ADGRG2: variants seen among roughly 807,000 people sequenced by gnomAD.
ADGRG2 encodes the protein G protein-coupled receptor 64.
Under a neutral mutation model 74.1 loss-of-function variants are expected in ADGRG2, and 26 were observed. The ratio of observed to expected loss-of-function variants is 0.35; its 90% CI spans 0.26 to 0.49. ADGRG2 has a LOEUF of 0.49. Among genes scored for constraint, ADGRG2 ranks in the 20% least tolerant of loss-of-function variants. The pLI, the probability that ADGRG2 is intolerant of heterozygous loss-of-function variation, is 0.99. For missense variants in ADGRG2, 619 were observed against 763.1 expected (o/e 0.81, Z 2.22); for synonymous variants, 296 against 295.2 (o/e 1.00, Z -0.03).
intron 15 of ADGRG2, among the ~76,000 whole-genome samples, chrX:19,018,101 G>A (rs1023526818): frequency 2.7e-5 from 3 of 109,819 alleles, no homozygotes; most frequent in East Asian, 5.6e-4. Flanking sequence ...CATTAGAATC[G>A]CCAGCAGGGC....
At chrX:19,049,455 TTTG>T (rs1555901682) in intron 3 of ADGRG2, among the ~76,000 whole-genome samples, 4 of 90,984 alleles carry the variant, frequency 4.4e-5, no homozygotes, top group Middle Eastern at 5.7e-3. Context: ...TTTTTTTTTT[TTTG>T]TTGTTGTTGT....
chrX:19,032,038 T>G (rs2060836349), intron 8 of ADGRG2: 1 of 112,483 alleles, frequency 8.9e-6, no homozygotes, highest in African/African-American at 3.2e-5. Flanking sequence ...AATGCCCAAC[T>G]GCAAGTTTAT....
intron 3 of ADGRG2, among the ~76,000 whole-genome samples, chrX:19,051,665 C>T (rs900823241): frequency 9.0e-6 from 1 of 111,600 alleles, no homozygotes; most frequent in South Asian, 3.8e-4. Flanking sequence ...TGCCTGCTTG[C>T]TCTCACTCTC....
At chrX:19,006,334 G>T (rs1473463034) in intron 20 of ADGRG2, 69 bp from the exon 21 acceptor site, 2 of 741,150 alleles carry the variant, frequency 2.7e-6, no homozygotes, top group Non-Finnish European at 2.0e-6. Flanking sequence ...AAAACTGAAA[G>T]GTATTTGAAA....
chrX:19,052,909 A>G (rs2061347721), intron 3 of ADGRG2, among the ~76,000 whole-genome samples: 1 of 110,967 alleles, frequency 9.0e-6, no homozygotes, highest in Non-Finnish European at 1.9e-5. Context: ...TGGCCAGGCT[A>G]GTTTCGAACT....
At chrX:19,069,509 G>C (rs1021642329) in intron 2 of ADGRG2, among the ~76,000 whole-genome samples, 1 of 111,148 alleles carries the variant, frequency 9.0e-6, no homozygotes, top group African/African-American at 3.3e-5. Context: ...GCAGCCAAAA[G>C]TGAGAACATG....
At position 18,998,600 on chromosome X, in the gene ADGRG2, CTTTTTTTT is replaced by C. The variant is rs768424519; in HGVS notation, c.2614+388_2614+395del. 3.7e-5 allele frequency among the ~76,000 whole-genome samples: 3 copies of C among 81,237 alleles called. No individual in the cohort carries two copies. The East Asian group carries it at 1.1e-3, about 31-fold the overall frequency. 70.5% of individuals were successfully genotyped at this position (81,237 alleles called of 115,157 possible). A position where few individuals can be genotyped will look rare whatever the true frequency, so the allele number is the denominator to read the frequency against. ...ACCTCATGGGGTTTCACAGATAGTA[CTTTTTTTT>C]TTTTTTTTTTTTTTTTACAAATTGA... On this transcript the variant is annotated intron_variant, in intron 26 of 28. Transcript: ENST00000379869.
chrX:19,093,607 C>G (rs1280157881), intron 1 of ADGRG2, among the ~76,000 whole-genome samples: 1 of 111,338 alleles, frequency 9.0e-6, no homozygotes, highest in African/African-American at 3.3e-5. Flanking sequence ...CTGAAGATGA[C>G]GGTGACCTAG....
At position 18,990,690 on chromosome X, in the gene ADGRG2, G is replaced by A. The variant is rs2059906183; in HGVS notation, c.*174C>T. 3 of 341,373 alleles carry A rather than the reference G, an allele frequency of 8.8e-6. No homozygotes were observed. Among genetic ancestry groups the A allele is most frequent in the South Asian group, 1.8e-4 (2 of 11,000 alleles). The allele number at this position is 341,373 out of a possible 1,213,427, so 28.1% of individuals were successfully genotyped here. A position where few individuals can be genotyped will look rare whatever the true frequency, so the allele number is the denominator to read the frequency against. Reference sequence around the variant, plus strand: ...ATCAGAAATGTCTAAAAACCATGGTGTAATGTCTTGGTTTCTTCTTGTAAT... The same window carrying A: ...ATCAGAAATGTCTAAAAACCATGGTATAATGTCTTGGTTTCTTCTTGTAAT... On this transcript the variant is annotated 3_prime_UTR_variant, in exon 29 of 29. Transcript: ENST00000379869.
chrX:19,007,854 G>T, intron 19 of ADGRG2, 126 bp downstream of exon 19: 1 of 507,711 alleles, frequency 2.0e-6, no homozygotes, highest in Non-Finnish European at 3.3e-6. Flanking sequence ...ATTTAAAAAT[G>T]AACTGCAGCA....
chrX:19,090,036 G>A (rs1023770053), intron 1 of ADGRG2, among the ~76,000 whole-genome samples: 7 of 110,343 alleles, frequency 6.3e-5, no homozygotes, highest in African/African-American at 2.3e-4. Context: ...TTTTCCTTCT[G>A]TAAGTACTAC....
chrX:19,054,099 T>C (rs750798784), intron 3 of ADGRG2, among the ~76,000 whole-genome samples: 1 of 111,974 alleles, frequency 8.9e-6, no homozygotes, highest in African/African-American at 3.2e-5. Context: ...GCGCTCTCTA[T>C]TCTTCACTTT....
intron 1 of ADGRG2, among the ~76,000 whole-genome samples, chrX:19,110,392 T>C (rs752712598): frequency 9.9e-5 from 11 of 111,204 alleles, no homozygotes; most frequent in Admixed American, 1.9e-4. Context: ...AATAAGAAGA[T>C]AAAGGAGGGA....
At chrX:19,096,132 C>T in intron 1 of ADGRG2, among the ~76,000 whole-genome samples, 1 of 111,607 alleles carries the variant, frequency 9.0e-6, no homozygotes, top group Non-Finnish European at 1.9e-5. Context: ...TGGACCAGGC[C>T]AGGTGCGGTG....
At chrX:19,075,532 C>T (rs754515056) in intron 2 of ADGRG2, among the ~76,000 whole-genome samples, 14 of 104,193 alleles carry the variant, frequency 1.3e-4, no homozygotes, top group Admixed American at 5.3e-4. Context: ...GCAGGAGAAT[C>T]GCTTGAACCT....
At chrX:19,112,986 AC>A (rs1162975179) in intron 1 of ADGRG2, among the ~76,000 whole-genome samples, 92 of 91,777 alleles carry the variant, frequency 1.0e-3, no homozygotes, top group African/African-American at 4.9e-3. Context: ...CAAAAAAAAA[AC>A]CAAAAAAAAA....
At chrX:19,040,708 C>T (rs774608675) in intron 3 of ADGRG2, among the ~76,000 whole-genome samples, 2 of 111,943 alleles carry the variant, frequency 1.8e-5, no homozygotes, top group Non-Finnish European at 3.8e-5. Context: ...TAAGCTAGAT[C>T]AGACACCTCT....
At chrX:19,049,974 C>A (rs774891397) in intron 3 of ADGRG2, among the ~76,000 whole-genome samples, 1 of 111,592 alleles carries the variant, frequency 9.0e-6, no homozygotes, top group East Asian at 2.8e-4. Context: ...CTGTGGCGAG[C>A]AGTTTTTCCA....
At chrX:19,053,026 G>A (rs2061350661) in intron 3 of ADGRG2, among the ~76,000 whole-genome samples, 1 of 111,446 alleles carries the variant, frequency 9.0e-6, no homozygotes, top group African/African-American at 3.3e-5. Context: ...GTACAGTTTG[G>A]TTGCATTAAG....
Sources: allele counts gnomAD v4.1 joint callset (sites outside exome capture counted in the v4.1 genomes callset), GRCh38; gene constraint gnomAD v4.1.1; transcripts MANE v1.5; gene names NCBI Gene and HGNC (gene_info 2026-07-23, HGNC 2026-07-21).